NSUN6: variants seen among roughly 807,000 people sequenced by gnomAD.
The protein encoded by NSUN6 is NOP2/Sun RNA methyltransferase 6.
A neutral mutation model predicts 58.0 loss-of-function variants in NSUN6; 64 were observed. The ratio of observed to expected loss-of-function variants is 1.10; its 90% confidence interval spans 0.90 to 1.36. NSUN6 has a LOEUF of 1.36. NSUN6 is among the 40% of genes most tolerant of loss of function. The pLI is 0.00. For synonymous variants in NSUN6, 231 were observed against 193.9 expected (o/e 1.19, Z -1.59); for missense variants, 701 against 550.1 (o/e 1.27, Z -2.74).
chr10:18,553,502 A>G (rs894751502), intron 8 of NSUN6, among the ~76,000 whole-genome samples: 5 of 151,464 alleles, frequency 3.3e-5, no homozygotes, highest in African/African-American at 1.2e-4. Flanking sequence ...TGGAGAATGG[A>G]ATGGAGCGGA....
chr10:18,648,549 T>G lies in NSUN6; in HGVS notation c.172A>C (p.Asn58His). The change falls in exon 2 of 11, where the codon AAT (asparagine) becomes CAT (histidine). Residue 58 changes from asparagine (N) to histidine (H), a missense_variant. Coordinates refer to ENST00000377304, the MANE Select transcript of NSUN6 (RefSeq NM_182543.5). ...TGTTGTACTGAGGCTAAATGTGTATTCACTCTGACAGTTGTAAATGATGGA... is the reference window on the plus strand; with the variant it reads ...TGTTGTACTGAGGCTAAATGTGTATGCACTCTGACAGTTGTAAATGATGGA... Reference protein sequence around the residue: ...HPPSFTTVRVNTHLASVQHVK... With the variant: ...HPPSFTTVRVHTHLASVQHVK... 1 of 1,606,748 alleles carries G rather than the reference T, an allele frequency of 6.2e-7. No individual in the cohort carries two copies.
At chr10:18,633,419 TA>T (rs1476135786) in intron 3 of NSUN6, among the ~76,000 whole-genome samples, 4 of 151,918 alleles carry the variant, frequency 2.6e-5, no homozygotes, top group African/African-American at 9.6e-5. Context: ...ATAATAATAA[TA>T]AATTAATTAA....
In NSUN6 at chr10:18,551,874, A is replaced by G; in HGVS notation, c.1020T>C (p.Ser340=). ...GCTGATATGATGCCACTTCCTTCAC[A>G]GACCAAGTACAGGCCATGTTTGGTC... is the stretch of plus-strand genomic sequence containing the variant. ...GQRPNMACTW[S]VKEVASYQPL... is the part of the protein sequence containing the mutation. The change falls in exon 9 of 11, where the codon TCT becomes TCC. Residue 340 remains serine (S), a synonymous_variant. Coordinates refer to ENST00000377304, the MANE Select transcript of NSUN6 (RefSeq NM_182543.5). 6.2e-7 allele frequency: 1 copy of G among 1,613,744 alleles called. No homozygotes were observed. Among genetic ancestry groups the G allele is most frequent in the Non-Finnish European group, 8.5e-7 (1 of 1,179,690 alleles).
In NSUN6 at chr10:18,604,897, T is replaced by C. The variant is rs189981856; in HGVS notation, c.657+4948A>G. On this transcript the variant is annotated intron_variant, in intron 6 of 10. Transcript: ENST00000377304. ...CAAGACTCTTTCTTTTTTTTTTTTTTCTTTTTGAGACGGAGTCTCACACTG... is the reference window on the plus strand; with the variant it reads ...CAAGACTCTTTCTTTTTTTTTTTTTCCTTTTTGAGACGGAGTCTCACACTG... 1.8e-3 allele frequency among the ~76,000 whole-genome samples: 274 copies of C among 149,726 alleles called. 6 individuals are homozygous for C. In the East Asian group the frequency reaches 0.049, roughly 27 times the overall value.
At chr10:18,586,763 G>T (rs2057165367) in intron 7 of NSUN6, among the ~76,000 whole-genome samples, 1 of 151,838 alleles carries the variant, frequency 6.6e-6, no homozygotes, top group Non-Finnish European at 1.5e-5. Context: ...ATGTGGAAGG[G>T]GACCCTAGCG....
chr10:18,559,547 T>G (rs988142632), intron 8 of NSUN6, among the ~76,000 whole-genome samples: 2 of 142,006 alleles, frequency 1.4e-5, no homozygotes, highest in African/African-American at 5.3e-5. Flanking sequence ...GAGTGGAGAA[T>G]AGAAACGAAT....
chr10:18,562,890 G>GTGGAA (rs1344714701), intron 8 of NSUN6, among the ~76,000 whole-genome samples: 3 of 148,578 alleles, frequency 2.0e-5, no homozygotes, highest in African/African-American at 7.4e-5. Context: ...ATGGCATGGA[G>GTGGAA]TGGAATGGAA....
At chr10:18,637,911 G>A (rs1430842261) in intron 3 of NSUN6, among the ~76,000 whole-genome samples, 1 of 152,174 alleles carries the variant, frequency 6.6e-6, no homozygotes, top group African/African-American at 2.4e-5. Context: ...ACAAATGACT[G>A]TACATGTGCA....
upstream of NSUN6, among the ~76,000 whole-genome samples, chr10:18,656,816 C>CTTT (rs59363607): frequency 3.5e-5 from 3 of 86,602 alleles, no homozygotes; most frequent in African/African-American, 9.0e-5. Flanking sequence ...AGTTACAATC[C>CTTT]TTTTTTTTTT....
intron 8 of NSUN6, among the ~76,000 whole-genome samples, chr10:18,568,624 T>C (rs61724306): frequency 0.61 from 90,903 of 149,794 alleles, 27,798 homozygotes; most frequent in East Asian, 0.97. Context: ...CATTCCATTC[T>C]CCATTCCATT....
At chr10:18,647,566 C>T (rs1191258859) in intron 2 of NSUN6, among the ~76,000 whole-genome samples, 1 of 151,912 alleles carries the variant, frequency 6.6e-6, no homozygotes, top group Non-Finnish European at 1.5e-5. Flanking sequence ...GTCATAAATG[C>T]CATTTTATAA....
intron 8 of NSUN6, among the ~76,000 whole-genome samples, chr10:18,576,523 C>A (rs1449394976): frequency 6.6e-6 from 1 of 152,138 alleles, no homozygotes; most frequent in Admixed American, 6.5e-5. Flanking sequence ...TAAACTAAAA[C>A]TCTTTTCCAG....
At chr10:18,567,925 AT>A (rs1466809028) in intron 8 of NSUN6, among the ~76,000 whole-genome samples, 2 of 149,490 alleles carry the variant, frequency 1.3e-5, no homozygotes, top group African/African-American at 4.9e-5. Context: ...TCCATTTTCC[AT>A]TCCATTCTCC....
At chr10:18,611,812 C>T (rs940670443) in intron 5 of NSUN6, among the ~76,000 whole-genome samples, 2 of 152,030 alleles carry the variant, frequency 1.3e-5, no homozygotes, top group African/African-American at 2.4e-5. Context: ...CTCAAGTGAT[C>T]CTCCTGCCTT....
At position 18,561,356 on chromosome 10, in the gene NSUN6, G is replaced by A. The variant is rs190088018; in HGVS notation, c.923-9385C>T. 4.5e-3 allele frequency among the ~76,000 whole-genome samples: 351 copies of A among 78,658 alleles called. 109 individuals carry two copies. The highest frequency in any genetic ancestry group is 0.015 in the African/African-American group (342 of 22,602). 51.6% of individuals were successfully genotyped at this position (78,658 alleles called of 152,430 possible). ...TAGAATATGGAATAGAATGGAGAAC[G>A]GAATGGAGAATACAATGGAATGGAA... On this transcript the variant is annotated intron_variant, in intron 8 of 10. Transcript: ENST00000377304.
intron 7 of NSUN6, among the ~76,000 whole-genome samples, chr10:18,592,898 G>T (rs1198273300): frequency 6.6e-6 from 1 of 152,096 alleles, no homozygotes; most frequent in Non-Finnish European, 1.5e-5. Flanking sequence ...CACAGCAAAA[G>T]AAACTATCAT....
intron 7 of NSUN6, among the ~76,000 whole-genome samples, chr10:18,588,313 G>C (rs1050534467): frequency 6.6e-6 from 1 of 152,224 alleles, no homozygotes; most frequent in Non-Finnish European, 1.5e-5. Flanking sequence ...AGAGCACCTG[G>C]GGGGAGGGGT....
At chr10:18,642,373 C>T (rs1164279246) in intron 3 of NSUN6, 103 bp downstream of exon 3, 3 of 649,950 alleles carry the variant, frequency 4.6e-6, no homozygotes, top group Admixed American at 2.6e-5. Flanking sequence ...TAGAAAGTTG[C>T]TAACAATGGA....
chr10:18,628,680 T>C (rs1457495926), intron 3 of NSUN6, among the ~76,000 whole-genome samples: 1 of 151,742 alleles, frequency 6.6e-6, no homozygotes, highest in Non-Finnish European at 1.5e-5. Context: ...CTGAATGAAA[T>C]GAAGCAAGAA....
Sources: gnomAD v4.1 joint callset for allele counts (sites outside exome capture counted in the v4.1 genomes callset) on GRCh38, gnomAD v4.1.1 for gene constraint, MANE v1.5 for transcripts, NCBI Gene and HGNC (gene_info 2026-07-23, HGNC 2026-07-21) for gene names.